The following QKI variants were observed in gnomAD, a reference collection of about 807,000 sequenced individuals.
QKI encodes the protein QKI, KH domain containing RNA binding.
QKI carries 10 observed loss-of-function variants against 39.0 expected under a neutral mutation model. The observed-to-expected ratio is 0.26, with a 90% CI of 0.16 to 0.43. QKI has a LOEUF of 0.43. Among genes scored for constraint, QKI ranks in the 20% least tolerant of loss-of-function variants. The pLI is 1.00. For missense variants in QKI, 218 were observed against 428.0 expected, an observed-to-expected ratio of 0.51 and a Z score of 4.33; for synonymous variants, 204 against 155.4, an observed-to-expected ratio of 1.31 and a Z score of -2.33.
At chr6:163,441,227 G>C (rs1789741272) in intron 1 of QKI, among the ~76,000 whole-genome samples, 1 of 152,096 alleles carries the variant, frequency 6.6e-6, no homozygotes, top group South Asian at 2.1e-4. Context: ...TTGATGTAAT[G>C]AACATATGTT....
At chr6:163,514,937 C>G (rs929103213) in intron 3 of QKI, among the ~76,000 whole-genome samples, 2 of 152,200 alleles carry the variant, frequency 1.3e-5, no homozygotes, top group African/African-American at 4.8e-5. Context: ...GCAAAAGACA[C>G]CATACCCCAT....
intron 3 of QKI, among the ~76,000 whole-genome samples, chr6:163,491,557 C>A (rs1308306258): frequency 6.6e-6 from 1 of 151,396 alleles, no homozygotes; most frequent in Non-Finnish European, 1.5e-5. Flanking sequence ...AGTTTGATTT[C>A]TGGTTACATG....
At chr6:163,439,987 T>A (rs1441172102) in intron 1 of QKI, among the ~76,000 whole-genome samples, 1 of 152,190 alleles carries the variant, frequency 6.6e-6, no homozygotes, top group Admixed American at 6.5e-5. Flanking sequence ...TGAGTAAATA[T>A]GGATGGTGAA....
At chr6:163,416,166 G>T (rs1315066469) in intron 1 of QKI, 2 of 349,888 alleles carry the variant, frequency 5.7e-6, no homozygotes, top group Non-Finnish European at 1.1e-5. Flanking sequence ...GCCTGAGTTT[G>T]TAGGACAGGG....
intron 3 of QKI, among the ~76,000 whole-genome samples, chr6:163,493,880 CT>C (rs1158228131): frequency 1.5e-5 from 2 of 133,462 alleles, no homozygotes; most frequent in Non-Finnish European, 3.3e-5. Flanking sequence ...AAACATACTT[CT>C]GGTTAACAAG....
intron 2 of QKI, among the ~76,000 whole-genome samples, chr6:163,465,969 C>CA (rs764027711): frequency 2.8e-4 from 42 of 150,464 alleles, no homozygotes; most frequent in East Asian, 6.0e-4. Flanking sequence ...ACAAAAAATA[C>CA]AAAAAAAACA....
intron 3 of QKI, among the ~76,000 whole-genome samples, chr6:163,495,977 A>G (rs901018691): frequency 2.0e-5 from 3 of 152,218 alleles, no homozygotes; most frequent in Non-Finnish European, 4.4e-5. Flanking sequence ...AAATACTTTG[A>G]AACTTTGTAA....
chr6:163,512,565 A>G (rs1779551148), intron 3 of QKI, among the ~76,000 whole-genome samples: 1 of 152,064 alleles, frequency 6.6e-6, no homozygotes, highest in Non-Finnish European at 1.5e-5. Flanking sequence ...TGTTCACACA[A>G]CTCCTAATAA....
chr6:163,477,025 T>G (rs959667864), intron 2 of QKI, among the ~76,000 whole-genome samples: 5 of 150,940 alleles, frequency 3.3e-5, no homozygotes, highest in Admixed American at 6.6e-5. Context: ...GTTTTGTTTT[T>G]TTTTTTTTGA....
At chr6:163,523,507 T>G (rs1278123776) in intron 3 of QKI, among the ~76,000 whole-genome samples, 1 of 152,212 alleles carries the variant, frequency 6.6e-6, no homozygotes, top group Admixed American at 6.5e-5. Context: ...AAGGACAGTT[T>G]AGCATTTGTT....
At position 163,563,550 on chromosome 6, in the gene QKI, C is replaced by G. The variant is rs1420987409; in HGVS notation, c.765C>G (p.Ile255Met). 1 of 1,614,076 alleles carries G rather than the reference C, an allele frequency of 6.2e-7. No individual in the cohort carries two copies. The highest frequency in any genetic ancestry group is 8.5e-7 in the Non-Finnish European group (1 of 1,180,046). ...CTGGCCCTACCATAATGCCTTTGAT[C>G]AGACAAATACAGACCGCTGTCATGC... ...TPAGPTIMPLIRQIQTAVMPN... is the reference protein window; with the variant it reads ...TPAGPTIMPLMRQIQTAVMPN... Residue 255 changes from isoleucine to methionine, a missense_variant, in exon 6 of 8, where the codon ATC (isoleucine) becomes ATG (methionine). Transcript: ENST00000361752.
chr6:163,532,358 T>C (rs1379845577), intron 3 of QKI, among the ~76,000 whole-genome samples: 1 of 152,180 alleles, frequency 6.6e-6, no homozygotes, highest in Non-Finnish European at 1.5e-5. Flanking sequence ...AGTGAATTGA[T>C]TGGGGGGGAG....
chr6:163,450,459 A>G (rs984034318), intron 1 of QKI, among the ~76,000 whole-genome samples: 15 of 152,236 alleles, frequency 9.9e-5, no homozygotes, highest in Admixed American at 4.6e-4. Flanking sequence ...AGCCAAAGAC[A>G]AACATGAGCT....
intron 3 of QKI, among the ~76,000 whole-genome samples, chr6:163,512,580 TAAAG>T (rs1005259312): frequency 2.6e-5 from 4 of 151,980 alleles, no homozygotes; most frequent in Non-Finnish European, 2.9e-5. Context: ...TAATAACTGA[TAAAG>T]AGACAAAAAC....
intron 4 of QKI, among the ~76,000 whole-genome samples, chr6:163,536,012 G>C (rs1781181212): frequency 6.6e-6 from 1 of 152,056 alleles, no homozygotes; most frequent in African/African-American, 2.4e-5. Context: ...ATGAGTTATG[G>C]TTCCTGCTGC....
chr6:163,444,533 G>T (rs141073436), intron 1 of QKI, among the ~76,000 whole-genome samples: 230 of 117,238 alleles, frequency 2.0e-3, no homozygotes, highest in African/African-American at 6.7e-3. Context: ...TTCTTTTAAA[G>T]CAGTATATTA....
chr6:163,569,450 C>T, intron 7 of QKI: 1 of 1,279,514 alleles, frequency 7.8e-7, no homozygotes, highest in African/African-American at 1.5e-5. Flanking sequence ...ACAATGGCAA[C>T]AGTACAGAAA....
intron 2 of QKI, among the ~76,000 whole-genome samples, chr6:163,478,057 C>A (rs1307123476): frequency 6.6e-6 from 1 of 152,114 alleles, no homozygotes; most frequent in Non-Finnish European, 1.5e-5. Context: ...CACGATTTAG[C>A]CCGTTTTTCC....
intron 2 of QKI, among the ~76,000 whole-genome samples, chr6:163,464,985 A>G (rs1283867341): frequency 6.6e-6 from 1 of 152,212 alleles, no homozygotes; most frequent in Non-Finnish European, 1.5e-5. Context: ...AGCGTACACC[A>G]TGATCAAGTG....
Sources: gnomAD v4.1 joint callset for allele counts (sites outside exome capture counted in the v4.1 genomes callset) on GRCh38, gnomAD v4.1.1 for gene constraint, MANE v1.5 for transcripts, NCBI Gene and HGNC (gene_info 2026-07-23, HGNC 2026-07-21) for gene names.